The following BABAM2 variants were observed in gnomAD, a reference collection of about 807,000 sequenced individuals.
BABAM2 encodes the protein BRISC and BRCA1 A complex member 2.
A neutral mutation model predicts 54.7 loss-of-function variants in BABAM2; 31 were observed. That is an observed-to-expected ratio of 0.57 (90% CI 0.43 to 0.77). BABAM2 has a LOEUF of 0.77. BABAM2 is among the 30% of genes least tolerant of loss of function. The pLI is 0.00. For synonymous variants in BABAM2, 167 were observed against 162.9 expected, an observed-to-expected ratio of 1.03 and a Z score of -0.19; for missense variants, 364 against 455.8, an observed-to-expected ratio of 0.80 and a Z score of 1.83.
chr2:28,105,261 A>C (rs753246404), intron 6 of BABAM2, among the ~76,000 whole-genome samples: 1 of 152,212 alleles, frequency 6.6e-6, no homozygotes, highest in Non-Finnish European at 1.5e-5. Context: ...CATCTCTTCA[A>C]TGAGGAAAAA....
chr2:28,213,343 G>C (rs1335022649), intron 7 of BABAM2, among the ~76,000 whole-genome samples: 4 of 152,128 alleles, frequency 2.6e-5, no homozygotes, highest in Non-Finnish European at 5.9e-5. Flanking sequence ...CTATATAGGA[G>C]CTTTCTTGAT....
intron 7 of BABAM2, among the ~76,000 whole-genome samples, chr2:28,208,694 T>C (rs2147979572): frequency 6.6e-6 from 1 of 152,076 alleles, no homozygotes; most frequent in South Asian, 2.1e-4. Flanking sequence ...CTCGCCCTTT[T>C]CTCATATTTT....
chr2:28,032,958 G>A (rs978380597), intron 5 of BABAM2, among the ~76,000 whole-genome samples: 51 of 152,112 alleles, frequency 3.4e-4, no homozygotes, highest in African/African-American at 1.1e-3. Flanking sequence ...TTGGTACAAT[G>A]TATGTGTATA....
intron 7 of BABAM2, among the ~76,000 whole-genome samples, chr2:28,141,777 A>G (rs1573669453): frequency 1.3e-5 from 2 of 152,264 alleles, no homozygotes; most frequent in South Asian, 2.1e-4. Flanking sequence ...CATCTAGACA[A>G]TGATCAATGA....
At chr2:28,086,463 A>G (rs1283686860) in intron 6 of BABAM2, among the ~76,000 whole-genome samples, 1 of 152,204 alleles carries the variant, frequency 6.6e-6, no homozygotes, top group Non-Finnish European at 1.5e-5. Context: ...ACAGATGGAC[A>G]AGTTTATGCA....
Position 28,181,502 on chromosome 2 carries a change from G to A in BABAM2, c.680+52122G>A, listed in dbSNP as rs563182197. Among the ~76,000 whole-genome samples the A allele has an allele frequency of 2.0e-5, 3 of 152,274 alleles. No homozygotes were observed. The East Asian group carries it at 5.8e-4, about 29-fold the overall frequency. ...ATAAATTCTAATATTTGATAGCAGA[G>A]TAGGGTACTCTTGTTAACAATGTAT... On this transcript the variant is annotated intron_variant, in intron 7 of 11. Coordinates refer to ENST00000379624, the MANE Select transcript of BABAM2 (RefSeq NM_199191.3).
At chr2:28,202,339 C>T (rs76475627) in intron 7 of BABAM2, among the ~76,000 whole-genome samples, 1,915 of 152,238 alleles carry the variant, frequency 0.013, 30 homozygotes, top group African/African-American at 0.044. Context: ...CTTCCCACAT[C>T]CCATTGAGTC....
chr2:27,894,871 T>G, intron 2 of BABAM2, 187 bp downstream of exon 2: 1 of 624,750 alleles, frequency 1.6e-6, no homozygotes, highest in Non-Finnish European at 2.6e-6. Flanking sequence ...TTATTTTATT[T>G]GTGTTGTGGA....
intron 7 of BABAM2, among the ~76,000 whole-genome samples, chr2:28,221,011 G>A (rs1680355221): frequency 6.6e-6 from 1 of 152,140 alleles, no homozygotes; most frequent in South Asian, 2.1e-4. Flanking sequence ...CGATTCCCAA[G>A]TGGGAAGTGA....
At position 28,045,733 on chromosome 2, in the gene BABAM2, A is replaced by G. The variant is rs925149266; in HGVS notation, c.504A>G (p.Glu168=). ...YAGKKNNWTG[E]FSARFLLKLP... The stretch of plus-strand genomic sequence containing the variant: ...TAACTTTCTTTTTACAGACTGGTGA[A>G]TTTTCAGCTCGTTTCCTTTTGAAGC... The change falls in exon 6 of 12, where the codon GAA becomes GAG. Residue 168 remains glutamate (E), a synonymous_variant. Coordinates refer to ENST00000379624, the MANE Select transcript of BABAM2 (RefSeq NM_199191.3). The G allele has an allele frequency of 6.2e-7, 1 of 1,610,794 alleles. No individual in the cohort carries two copies.
chr2:28,274,132 GCCTTCCCCAGTAGACAGGCTCA>G lies in BABAM2; in HGVS notation c.935-24196_935-24175del, dbSNP rs1274440260. Among the ~76,000 whole-genome samples the G allele has an allele frequency of 1.4e-4, 21 of 152,138 alleles. 1 individual carries two copies. The highest frequency in any genetic ancestry group is 1.2e-3 in the Admixed American group (18 of 15,270). On this transcript the variant is annotated intron_variant, in intron 10 of 11. Transcript: ENST00000379624. Reference sequence around the variant, plus strand: ...TTCAAGACACCACCTTTATCTGGCGGCCTTCCCCAGTAGACAGGCTCACCTTCCCCATCCAGCTTTCTCTCCC... The same window carrying G: ...TTCAAGACACCACCTTTATCTGGCGGCCTTCCCCATCCAGCTTTCTCTCCC...
intron 7 of BABAM2, among the ~76,000 whole-genome samples, chr2:28,165,172 G>T (rs1673515236): frequency 6.6e-6 from 1 of 152,186 alleles, no homozygotes; most frequent in Admixed American, 6.5e-5. Flanking sequence ...AGAATTAATT[G>T]CAATTCAGGG....
intron 6 of BABAM2, among the ~76,000 whole-genome samples, chr2:28,060,911 A>T (rs1215271079): frequency 2.0e-5 from 3 of 152,240 alleles, no homozygotes; most frequent in East Asian, 1.9e-4. Context: ...CTAAATTGGC[A>T]TATAGATCTG....
intron 6 of BABAM2, among the ~76,000 whole-genome samples, chr2:28,104,381 T>C (rs1431995937): frequency 3.3e-5 from 5 of 152,104 alleles, no homozygotes; most frequent in Non-Finnish European, 7.4e-5. Context: ...GGGCGAAGGA[T>C]ATGAACAGAC....
chr2:28,112,147 T>TTCTTTCTTTCTTTCCC lies in BABAM2; in HGVS notation c.571-17123_571-17122insCTTTCTTTCTTTCCCT, dbSNP rs1558346715. The stretch of plus-strand genomic sequence containing the variant: ...TTTCTTTCTTTCTTTCTTTCTTTCT[T>TTCTTTCTTTCTTTCCC]TACCTCCCTCCCTCCCTCCCTCCCT... On this transcript the variant is annotated intron_variant, in intron 6 of 11. Transcript: ENST00000379624. Among the ~76,000 whole-genome samples, 40 of 5,246 alleles carry TTCTTTCTTTCTTTCCC rather than the reference T, an allele frequency of 7.6e-3. 11 individuals are homozygous for TTCTTTCTTTCTTTCCC. The highest frequency in any genetic ancestry group is 9.2e-3 in the Non-Finnish European group (29 of 3,154). The allele number at this position is 5,246 out of a possible 152,430, so 3.4% of individuals were successfully genotyped here. A position where few individuals can be genotyped will look rare whatever the true frequency, so the allele number is the denominator to read the frequency against.
At chr2:28,116,365 CG>C (rs1233429723) in intron 6 of BABAM2, among the ~76,000 whole-genome samples, 5 of 152,186 alleles carry the variant, frequency 3.3e-5, no homozygotes, top group Admixed American at 2.0e-4. Flanking sequence ...CCTCTGATCA[CG>C]TCAAGGGGAG....
intron 10 of BABAM2, among the ~76,000 whole-genome samples, chr2:28,276,026 G>C (rs796303621): frequency 6.9e-6 from 1 of 145,334 alleles, no homozygotes; most frequent in African/African-American, 2.6e-5. Flanking sequence ...AAAAAAGAAA[G>C]AAAGAAAAAA....
intron 4 of BABAM2, among the ~76,000 whole-genome samples, chr2:28,009,112 A>G (rs991793871): frequency 6.6e-6 from 1 of 152,152 alleles, no homozygotes; most frequent in Non-Finnish European, 1.5e-5. Flanking sequence ...GAGAAAATTC[A>G]TCGGAAAAGT....
At position 27,956,247 on chromosome 2, in the gene BABAM2, A is replaced by G. The variant is rs138172984; in HGVS notation, c.205+26339A>G. On this transcript the variant is annotated intron_variant, in intron 3 of 11. Coordinates refer to ENST00000379624, the MANE Select transcript of BABAM2 (RefSeq NM_199191.3). ...TCCTAACATAAATGAAGGGAAAGGA[A>G]AGATAAGTTGTGCTGCTTTATAGAA... is the stretch of plus-strand genomic sequence containing the variant. 3.4e-3 allele frequency among the ~76,000 whole-genome samples: 521 copies of G among 152,260 alleles called. 3 individuals carry two copies. The highest frequency in any genetic ancestry group is 5.8e-3 in the Non-Finnish European group (392 of 67,990).
Sources: gnomAD v4.1 joint callset for allele counts (sites outside exome capture counted in the v4.1 genomes callset) on GRCh38, gnomAD v4.1.1 for gene constraint, MANE v1.5 for transcripts, NCBI Gene and HGNC (gene_info 2026-07-23, HGNC 2026-07-21) for gene names.